The following MNS1 variants were observed in gnomAD, a reference collection of about 807,000 sequenced individuals.
MNS1 encodes the protein meiosis specific nuclear structural 1.
MNS1 carries 63 observed loss-of-function variants against 72.0 expected under a neutral mutation model. The observed-to-expected ratio is 0.87, with a 90% CI of 0.71 to 1.08. The LOEUF (loss-of-function observed/expected upper bound fraction) is 1.08, where lower values mean the gene tolerates loss of function less well. Among genes scored for constraint, MNS1 ranks in the 50% least tolerant of loss-of-function variants. The probability of loss-of-function intolerance (pLI) is 0.00; values close to 1 mark genes in which losing one functional copy is unlikely to be tolerated. For missense variants in MNS1, 604 were observed against 562.4 expected, an observed-to-expected ratio of 1.07 and a Z score of -0.75; for synonymous variants, 188 against 172.1, an observed-to-expected ratio of 1.09 and a Z score of -0.72.
chr15:56,434,430 A>G (rs1246963453), intron 7 of MNS1, 35 bp from the exon 8 acceptor site: 1 of 1,568,978 alleles, frequency 6.4e-7, no homozygotes, highest in African/African-American at 1.4e-5. Flanking sequence ...TTTAGTAACT[A>G]TTTCCTTACA....
intron 7 of MNS1, among the ~76,000 whole-genome samples, chr15:56,439,824 C>A (rs1157304496): frequency 1.3e-5 from 2 of 149,100 alleles, no homozygotes; most frequent in African/African-American, 4.9e-5. Flanking sequence ...AGGAGAAATT[C>A]TTCAATAACT....
At position 56,434,362 on chromosome 15, in the gene MNS1, C is replaced by T. The variant is rs1281276984; in HGVS notation, c.1045G>A (p.Glu349Lys). 3 of 1,612,680 alleles carry T rather than the reference C, an allele frequency of 1.9e-6. No individual in the cohort carries two copies. The African/African-American group carries it at 4.0e-5, about 22-fold the overall frequency. Reference sequence around the variant, plus strand: ...TGTTCTTCAAAATCTTGCTTCATCTCTTTTTGCTTTCTCAATTTCTTTTCT... The same window carrying T: ...TGTTCTTCAAAATCTTGCTTCATCTTTTTTTGCTTTCTCAATTTCTTTTCT... ...EAEKKLRKQK[E>K]MKQDFEEQMA... The change falls in exon 8 of 10, where the codon GAG becomes AAG. Residue 349 changes from glutamate (E) to lysine (K), a missense_variant. Coordinates refer to ENST00000260453, the MANE Select transcript of MNS1 (RefSeq NM_018365.4).
intron 1 of MNS1, 59 bp downstream of exon 1, chr15:56,464,911 G>A: frequency 1.2e-6 from 2 of 1,605,158 alleles, no homozygotes; most frequent in South Asian, 1.1e-5. Flanking sequence ...GCAGATGAGC[G>A]CCAAACTAGA....
intron 8 of MNS1, among the ~76,000 whole-genome samples, chr15:56,432,995 C>T (rs1017564981): frequency 4.6e-5 from 7 of 152,110 alleles, no homozygotes; most frequent in Non-Finnish European, 7.4e-5. Context: ...TTTAGTTTTA[C>T]GGATGAGACA....
At chr15:56,460,502 C>T (rs776387622) in intron 2 of MNS1, among the ~76,000 whole-genome samples, 79 of 152,244 alleles carry the variant, frequency 5.2e-4, no homozygotes, top group Middle Eastern at 3.4e-3. Context: ...ATAAATCTCA[C>T]AGTTAACAGT....
chr15:56,443,241 T>C (rs2050849621), intron 7 of MNS1, among the ~76,000 whole-genome samples, 189 bp downstream of exon 7: 1 of 152,170 alleles, frequency 6.6e-6, no homozygotes, highest in African/African-American at 2.4e-5. Context: ...TTATGGTAAG[T>C]TTATAAATTG....
intron 2 of MNS1, among the ~76,000 whole-genome samples, chr15:56,459,141 C>G (rs78877291): frequency 0.016 from 2,442 of 152,258 alleles, 27 homozygotes; most frequent in Non-Finnish European, 0.024. Flanking sequence ...ACCCCTGGCA[C>G]CTACTTATCT....
chr15:56,463,153 T>A (rs1209002321), intron 2 of MNS1, among the ~76,000 whole-genome samples: 3 of 152,196 alleles, frequency 2.0e-5, no homozygotes, highest in African/African-American at 7.2e-5. Flanking sequence ...TCAATTCTTA[T>A]TAGTTTCCCT....
At chr15:56,456,913 C>G (rs1468602217) in intron 2 of MNS1, among the ~76,000 whole-genome samples, 2 of 152,016 alleles carry the variant, frequency 1.3e-5, no homozygotes, top group Non-Finnish European at 2.9e-5. Context: ...GAATATCTAC[C>G]TGATCAGAAT....
At chr15:56,452,026 TA>T (rs1355574061) in intron 3 of MNS1, among the ~76,000 whole-genome samples, 1 of 152,230 alleles carries the variant, frequency 6.6e-6, no homozygotes, top group African/African-American at 2.4e-5. Context: ...ATGTTTACTA[TA>T]ACTACTAATA....
chr15:56,440,621 T>G (rs575358841), intron 7 of MNS1, among the ~76,000 whole-genome samples: 2 of 152,268 alleles, frequency 1.3e-5, no homozygotes, highest in South Asian at 4.1e-4. Flanking sequence ...GCCAATGGAA[T>G]GTTACTCAGC....
At chr15:56,447,733 G>T (rs2050917634) in intron 3 of MNS1, 1 of 152,148 alleles carries the variant, frequency 6.6e-6, no homozygotes, top group Non-Finnish European at 1.5e-5. Flanking sequence ...GTATGCACCT[G>T]TGAAACCATC....
At chr15:56,454,680 C>A (rs1413618564) in intron 3 of MNS1, among the ~76,000 whole-genome samples, 1 of 152,126 alleles carries the variant, frequency 6.6e-6, no homozygotes, top group Non-Finnish European at 1.5e-5. Flanking sequence ...AGGCCAGCAT[C>A]TCCTCACATA....
At chr15:56,453,475 C>T (rs2050961598) in intron 3 of MNS1, among the ~76,000 whole-genome samples, 1 of 152,010 alleles carries the variant, frequency 6.6e-6, no homozygotes, top group Non-Finnish European at 1.5e-5. Flanking sequence ...CATAATTATA[C>T]TGGTATAAGC....
intron 8 of MNS1, among the ~76,000 whole-genome samples, chr15:56,433,607 AACTT>A (rs2050659160): frequency 1.3e-5 from 2 of 152,074 alleles, no homozygotes; most frequent in South Asian, 2.1e-4. Context: ...TTATTATAAT[AACTT>A]ACTTACTGAT....
In MNS1 at chr15:56,444,600, TCTG is replaced by T; in HGVS notation, c.527_529del (p.Ala176del). On this transcript the variant is annotated inframe_deletion, in exon 5 of 10. Coordinates refer to ENST00000260453, the MANE Select transcript of MNS1 (RefSeq NM_018365.4). ...TGCTTTCGCTTTGTTTCGTTTGTCT[TCTG>T]CAGCATTCTCTTCCTTTATTATTCT... is the stretch of plus-strand genomic sequence containing the variant. The T allele has an allele frequency of 6.2e-7, 1 of 1,613,464 alleles. No individual in the cohort carries two copies. Among genetic ancestry groups the T allele is most frequent in the Non-Finnish European group, 8.5e-7 (1 of 1,179,628 alleles).
chr15:56,431,629 T>C (rs2050599092), intron 8 of MNS1, 131 bp from the exon 9 acceptor site: 1 of 639,442 alleles, frequency 1.6e-6, no homozygotes, highest in Non-Finnish European at 2.4e-6. Context: ...CAAAAGATTC[T>C]AGATAATATA....
Position 56,464,009 on chromosome 15 carries a change from T to C in MNS1, c.225+17A>G, listed in dbSNP as rs546647192. ...TGCAAAATGAAAAAAAAAGTAACAA[T>C]GAATAGTAAAACTTACCTTTTGAAT... On this transcript the variant is annotated intron_variant, in intron 2 of 9. Coordinates refer to ENST00000260453, the MANE Select transcript of MNS1 (RefSeq NM_018365.4). 9 of 1,580,846 alleles carry C rather than the reference T, an allele frequency of 5.7e-6. No individual in the cohort carries two copies. In the African/African-American group the frequency reaches 8.2e-5, roughly 14 times the overall value.
chr15:56,452,940 T>G (rs1292886782), intron 3 of MNS1, among the ~76,000 whole-genome samples: 1 of 152,188 alleles, frequency 6.6e-6, no homozygotes, highest in Admixed American at 6.5e-5. Context: ...AAGGAGGACT[T>G]TCTAAGATAG....
Sources: gnomAD v4.1 joint callset for allele counts (sites outside exome capture counted in the v4.1 genomes callset) on GRCh38, gnomAD v4.1.1 for gene constraint, MANE v1.5 for transcripts, NCBI Gene and HGNC (gene_info 2026-07-23, HGNC 2026-07-21) for gene names.